The following PTPN21 variants were observed in gnomAD, a reference collection of about 807,000 sequenced individuals.
PTPN21 encodes protein tyrosine phosphatase non-receptor type 21, also known as tyrosine-protein phosphatase non-receptor type 21.
A neutral mutation model predicts 131.8 loss-of-function variants in PTPN21; 77 were observed. The ratio of observed to expected loss-of-function variants is 0.58; its 90% CI spans 0.49 to 0.71. The LOEUF (loss-of-function observed/expected upper bound fraction) is 0.71. PTPN21 is among the 30% of genes least tolerant of loss of function. The pLI is 0.00. For missense variants in PTPN21, 1,552 were observed against 1,527.1 expected (o/e 1.02, Z -0.27); for synonymous variants, 715 against 621.3 (o/e 1.15, Z -2.24).
At chr14:88,488,638 A>C (rs555753387) in intron 10 of PTPN21, among the ~76,000 whole-genome samples, 1 of 152,188 alleles carries the variant, frequency 6.6e-6, no homozygotes, top group Non-Finnish European at 1.5e-5. Flanking sequence ...TCTGTGTGCC[A>C]AAGAAGACAA....
intron 1 of PTPN21, chr14:88,551,260 A>C (rs981664456): frequency 6.6e-6 from 1 of 152,262 alleles, no homozygotes; most frequent in Admixed American, 6.5e-5. Context: ...CAGTTCTGAA[A>C]ATCCAGACCC....
At chr14:88,470,708 C>T (rs1211292961) in intron 15 of PTPN21, among the ~76,000 whole-genome samples, 1 of 152,228 alleles carries the variant, frequency 6.6e-6, no homozygotes, top group East Asian at 1.9e-4. Context: ...CTCAGGGCTG[C>T]CAGCCCCCTA....
At position 88,500,528 on chromosome 14, in the gene PTPN21, G is replaced by T. The variant is rs998286808; in HGVS notation, c.764+255C>A. On this transcript the variant is annotated intron_variant, in intron 8 of 18. Transcript: ENST00000556564. Reference sequence around the variant, plus strand: ...ATGGCCTCCATATGGCACAAAAAGGGTCACACATTTTTAAGCATTTTATAA... The same window carrying T: ...ATGGCCTCCATATGGCACAAAAAGGTTCACACATTTTTAAGCATTTTATAA... Among the ~76,000 whole-genome samples, 3 of 152,090 alleles carry T rather than the reference G, an allele frequency of 2.0e-5. No homozygotes were observed. In the East Asian group the frequency reaches 5.8e-4, roughly 29 times the overall value.
chr14:88,505,256 G>T, intron 5 of PTPN21, 48 bp downstream of exon 5: 1 of 1,375,976 alleles, frequency 7.3e-7, no homozygotes, highest in Non-Finnish European at 1.0e-6. Context: ...TAAGGGTATA[G>T]GAATAAACTG....
intron 8 of PTPN21, 120 bp from the exon 9 acceptor site, chr14:88,497,410 A>C (rs1252398621): frequency 2.1e-5 from 15 of 701,032 alleles, no homozygotes; most frequent in Non-Finnish European, 3.4e-5. Flanking sequence ...CATTTTTGAG[A>C]AAAACAAAAA....
Position 88,479,365 on chromosome 14 carries a change from T to A in PTPN21, c.2066A>T (p.Glu689Val). 6.2e-7 allele frequency: 1 copy of A among 1,612,116 alleles called. No homozygotes were observed. Among genetic ancestry groups the A allele is most frequent in the Non-Finnish European group, 8.5e-7 (1 of 1,179,592 alleles). ...TERTQREGPEEAEGLRYGHKK... is the reference protein window; with the variant it reads ...TERTQREGPEVAEGLRYGHKK... Reference sequence around the variant, plus strand: ...ATGGCCGTACCTCAAGCCCTCCGCCTCCTCCGGCCCTTCTCGCTGTGTCCT... The same window carrying A: ...ATGGCCGTACCTCAAGCCCTCCGCCACCTCCGGCCCTTCTCGCTGTGTCCT... Residue 689 changes from glutamate (E) to valine (V), a missense_variant, in exon 13 of 19, where the codon GAG becomes GTG. Physicochemically the swap from Glu to Val is moderately radical, Grantham distance 121. Transcript: ENST00000556564.
Position 88,469,801 on chromosome 14 carries a change from A to T in PTPN21, c.3001-68T>A. ...TGGATGCCTTTCTCACATAGACGGC[A>T]CATCTGAAACAGAACCACAACCCTA... is the stretch of plus-strand genomic sequence containing the variant. On this transcript the variant is annotated intron_variant, in intron 16 of 18. Transcript: ENST00000556564. The surrounding 1 kb of genome is among the most constrained non-coding windows in gnomAD (Gnocchi z 4.3). 1 of 1,597,262 alleles carries T rather than the reference A, an allele frequency of 6.3e-7. No individual in the cohort carries two copies. The highest frequency in any genetic ancestry group is 8.6e-7 in the Non-Finnish European group (1 of 1,164,942).
At chr14:88,497,019 A>G (rs2077928201) in intron 9 of PTPN21, among the ~76,000 whole-genome samples, 184 bp downstream of exon 9, 1 of 152,242 alleles carries the variant, frequency 6.6e-6, no homozygotes, top group Admixed American at 6.5e-5. Context: ...GCATTTACTG[A>G]GCAGCCATTT....
chr14:88,501,110 T>C, intron 7 of PTPN21, 171 bp downstream of exon 7: 1 of 701,870 alleles, frequency 1.4e-6, no homozygotes, highest in Non-Finnish European at 2.5e-6. Context: ...AACCACAAAA[T>C]GGGAATGTGT....
intron 3 of PTPN21, among the ~76,000 whole-genome samples, chr14:88,511,469 G>A (rs1040212872): frequency 2.6e-5 from 4 of 151,964 alleles, no homozygotes; most frequent in African/African-American, 7.3e-5. Flanking sequence ...TCAGAAGGTC[G>A]AGACCATCCT....
chr14:88,486,317 G>A (rs144951083), intron 10 of PTPN21, among the ~76,000 whole-genome samples: 162 of 152,240 alleles, frequency 1.1e-3, no homozygotes, highest in African/African-American at 3.5e-3. Flanking sequence ...GAAGCCTCAA[G>A]CAGTAAGAAC....
chr14:88,544,376 A>G (rs893062406), intron 2 of PTPN21, among the ~76,000 whole-genome samples: 22 of 152,262 alleles, frequency 1.4e-4, no homozygotes, highest in African/African-American at 4.8e-4. Context: ...AAGAATTCCT[A>G]TGAAGAGAAT....
At position 88,473,743 on chromosome 14, in the gene PTPN21, T is replaced by C; in HGVS notation, c.2571A>G (p.Leu857=). 12 of 1,610,924 alleles carry C rather than the reference T, an allele frequency of 7.4e-6. No individual in the cohort carries two copies. The highest frequency in any genetic ancestry group is 1.0e-5 in the Non-Finnish European group (12 of 1,179,470). The change falls in exon 14 of 19, where the codon CTA becomes CTG. Residue 857 remains leucine, a synonymous_variant. Transcript: ENST00000556564. ...KKIGPLKLAA[L]NGLSLSRVPL... ...GCACTCGAGATAGGGAGAGTCCATT[T>C]AGGGCAGCCAGTTTAAGAGGACCAA...
intron 10 of PTPN21, among the ~76,000 whole-genome samples, chr14:88,494,336 C>A (rs532902517): frequency 6.6e-6 from 1 of 152,228 alleles, no homozygotes; most frequent in African/African-American, 2.4e-5. Flanking sequence ...AAGGTTGAAA[C>A]CAGGCAAGGA....
At position 88,468,283 on chromosome 14, in the gene PTPN21, G is replaced by C. The variant is rs368056622; in HGVS notation, c.3397-18C>G. ...TCCAGCACCTAGGTTGAGAGAAACGGTAATGAAGATAATGTGTTCCCCTGG... is the reference window on the plus strand; with the variant it reads ...TCCAGCACCTAGGTTGAGAGAAACGCTAATGAAGATAATGTGTTCCCCTGG... On this transcript the variant is annotated intron_variant, in intron 18 of 18. Transcript: ENST00000556564. 4.4e-6 allele frequency: 7 copies of C among 1,582,562 alleles called. No homozygotes were observed. The East Asian group carries it at 1.6e-4, about 36-fold the overall frequency.
intron 18 of PTPN21, 123 bp downstream of exon 18, chr14:88,468,793 A>G: frequency 8.3e-7 from 1 of 1,211,900 alleles, no homozygotes; most frequent in Non-Finnish European, 1.2e-6. Flanking sequence ...GAACATTAGT[A>G]ACATCTTGAG....
intron 3 of PTPN21, among the ~76,000 whole-genome samples, chr14:88,510,888 T>C (rs1354267092): frequency 6.6e-6 from 1 of 151,850 alleles, no homozygotes; most frequent in Non-Finnish European, 1.5e-5. Flanking sequence ...GATGAATGGA[T>C]GGATGGATGG....
chr14:88,490,643 G>C (rs1179732656), intron 10 of PTPN21, among the ~76,000 whole-genome samples: 1 of 152,190 alleles, frequency 6.6e-6, no homozygotes, highest in African/African-American at 2.4e-5. Context: ...TCCCTTTCCA[G>C]GCAGGGCCTA....
intron 8 of PTPN21, among the ~76,000 whole-genome samples, chr14:88,499,644 TA>T (rs1207783187): frequency 1.3e-5 from 2 of 151,948 alleles, no homozygotes; most frequent in Non-Finnish European, 2.9e-5. Context: ...AAGATTACAC[TA>T]AAAAAAATTC....
Sources: gnomAD v4.1 joint callset for allele counts (sites outside exome capture counted in the v4.1 genomes callset) on GRCh38, gnomAD v4.1.1 for gene constraint, Gnocchi (gnomAD v3.1) non-coding constraint, MANE v1.5 for transcripts, NCBI Gene and HGNC (gene_info 2026-07-23, HGNC 2026-07-21) for gene names.